Variants in UTRN observed in about 807,000 individuals in gnomAD.
UTRN encodes the protein dystrophin-related protein 1.
Under a neutral mutation model 463.9 loss-of-function variants are expected in UTRN, and 283 were observed. That is an observed-to-expected ratio of 0.61 (90% CI 0.55 to 0.67). The LOEUF is 0.67. Ranked by LOEUF, UTRN falls within the 30% of genes least tolerant of loss-of-function variation. UTRN has a pLI of 0.00. For synonymous variants in UTRN, 1,442 were observed against 1,431.5 expected, an observed-to-expected ratio of 1.01 and a Z score of -0.17; for missense variants, 3,922 against 4,084.3, an observed-to-expected ratio of 0.96 and a Z score of 1.08.
intron 45 of UTRN, among the ~76,000 whole-genome samples, chr6:144,539,799 T>C (rs12191812): frequency 0.069 from 10,531 of 152,142 alleles, 497 homozygotes; most frequent in South Asian, 0.11. Flanking sequence ...CCCAACACTT[T>C]GAGAGGCCGA....
In UTRN at chr6:144,733,507, CA is replaced by C. The variant is rs66466161; in HGVS notation, c.7939+3041del. Reference sequence around the variant, plus strand: ...CTGGTGACAGAGTGAAACTCCATCTCAAAAAAAAAAAAAAAAAAAACTTTGT... The same window carrying C: ...CTGGTGACAGAGTGAAACTCCATCTCAAAAAAAAAAAAAAAAAAACTTTGT... On this transcript the variant is annotated intron_variant, in intron 54 of 74. Coordinates refer to ENST00000367545, the MANE Select transcript of UTRN (RefSeq NM_007124.3). 6.7e-3 allele frequency among the ~76,000 whole-genome samples: 705 copies of C among 105,400 alleles called. 3 individuals carry two copies. Among genetic ancestry groups the C allele is most frequent in the African/African-American group, 0.013 (465 of 35,356 alleles). The allele number at this position is 105,400 out of a possible 152,430, so 69.1% of individuals were successfully genotyped here. A position where few individuals can be genotyped will look rare whatever the true frequency, so the allele number is the denominator to read the frequency against.
chr6:144,849,509 C>T (rs1347791374), intron 74 of UTRN, among the ~76,000 whole-genome samples: 1 of 152,122 alleles, frequency 6.6e-6, no homozygotes, highest in African/African-American at 2.4e-5. Context: ...AAATGGTTCC[C>T]AGTTGTACAG....
chr6:144,687,293 G>A (rs1283880575), intron 52 of UTRN, among the ~76,000 whole-genome samples: 1 of 151,966 alleles, frequency 6.6e-6, no homozygotes, highest in East Asian at 1.9e-4. Flanking sequence ...CATAGAATGA[G>A]TTAGGGAAGA....
Position 144,512,674 on chromosome 6 carries a change from G to A in UTRN, c.4945-1235G>A, listed in dbSNP as rs576871786. On this transcript the variant is annotated intron_variant, in intron 35 of 74. Transcript: ENST00000367545. ...TTCCACCTCAGCCTTGAGAGTAGCTGGGACTACAGGCATGCGCCACCACAC... is the reference window on the plus strand; with the variant it reads ...TTCCACCTCAGCCTTGAGAGTAGCTAGGACTACAGGCATGCGCCACCACAC... Among the ~76,000 whole-genome samples the A allele has an allele frequency of 3.2e-4, 48 of 151,812 alleles. No individual in the cohort carries two copies. The South Asian group carries it at 1.0e-2, about 32-fold the overall frequency.
chr6:144,606,606 C>T (rs1804874027), intron 51 of UTRN, among the ~76,000 whole-genome samples: 1 of 152,074 alleles, frequency 6.6e-6, no homozygotes, highest in Non-Finnish European at 1.5e-5. Context: ...GCAGTATTTC[C>T]AGTGGGTCAA....
chr6:144,440,338 A>T lies in UTRN; in HGVS notation c.1393-14A>T. On this transcript the variant is annotated splice_polypyrimidine_tract_variant and intron_variant, in intron 12 of 74. Transcript: ENST00000367545. ...AAAGTAGAAATAATGGTTTATCTTA[A>T]TTTTTTTCTCTAGAGTTTGCAAAGT... is the stretch of plus-strand genomic sequence containing the variant. 6.2e-7 allele frequency: 1 copy of T among 1,613,884 alleles called. No individual in the cohort carries two copies. Among genetic ancestry groups the T allele is most frequent in the Non-Finnish European group, 8.5e-7 (1 of 1,179,834 alleles).
At chr6:144,780,417 A>T (rs1586540017) in intron 60 of UTRN, among the ~76,000 whole-genome samples, 1 of 152,056 alleles carries the variant, frequency 6.6e-6, no homozygotes, top group East Asian at 1.9e-4. Context: ...TTCTAGTCTA[A>T]TTTTTTTATG....
intron 53 of UTRN, among the ~76,000 whole-genome samples, chr6:144,717,929 C>G (rs1421300385): frequency 6.6e-6 from 1 of 152,042 alleles, no homozygotes; most frequent in Non-Finnish European, 1.5e-5. Flanking sequence ...GCCACTGTGC[C>G]CAGCCTGAGC....
intron 24 of UTRN, among the ~76,000 whole-genome samples, 184 bp downstream of exon 24, chr6:144,474,017 A>G (rs1338803622): frequency 6.6e-6 from 1 of 151,950 alleles, no homozygotes; most frequent in Non-Finnish European, 1.5e-5. Flanking sequence ...TCAAGTTTTT[A>G]TTTCTGGACG....
rs1457927138 is a variant in UTRN at position 144,469,419 on chromosome 6, A to G, written c.3067-4301A>G. On this transcript the variant is annotated intron_variant, in intron 23 of 74. Transcript: ENST00000367545. ...TCTCTGTTTTTCAGAACAACCAGAC[A>G]AGATAGTTGTTATGATTCCAGTTTC... 9.9e-5 allele frequency among the ~76,000 whole-genome samples: 15 copies of G among 152,206 alleles called. No individual in the cohort carries two copies. In the East Asian group the frequency reaches 2.9e-3, roughly 29 times the overall value.
chr6:144,746,276 T>C (rs1223298191), intron 54 of UTRN, among the ~76,000 whole-genome samples: 3 of 151,956 alleles, frequency 2.0e-5, no homozygotes, highest in African/African-American at 7.3e-5. Context: ...GTGCAGGAAT[T>C]ACAGGCGTGA....
Position 144,748,313 on chromosome 6 carries a change from A to G in UTRN, c.8007A>G (p.Lys2669=). The stretch of plus-strand genomic sequence containing the variant: ...TGCGCAAACAGTCTTCTGAAGTCAA[A>G]GAAAAATGGGAAAGTCTAAATGCTG... ...KAMRKQSSEV[K]EKWESLNAVT... Residue 2669 remains lysine (K), a synonymous_variant, in exon 55 of 75, where the codon AAA becomes AAG. Coordinates refer to ENST00000367545, the MANE Select transcript of UTRN (RefSeq NM_007124.3). The G allele has an allele frequency of 6.2e-7, 1 of 1,613,536 alleles. No homozygotes were observed. Among genetic ancestry groups the G allele is most frequent in the Non-Finnish European group, 8.5e-7 (1 of 1,179,900 alleles).
chr6:144,347,227 C>T lies in UTRN; in HGVS notation c.79+55320C>T, dbSNP rs538014851. On this transcript the variant is annotated intron_variant, in intron 2 of 74. Coordinates refer to ENST00000367545, the MANE Select transcript of UTRN (RefSeq NM_007124.3). ...GGTTAAAAGATTCACTACTTGGGTCCCCCATTAGAATCACCAACATGCTTG... is the reference window on the plus strand; with the variant it reads ...GGTTAAAAGATTCACTACTTGGGTCTCCCATTAGAATCACCAACATGCTTG... Among the ~76,000 whole-genome samples, 3 of 152,314 alleles carry T rather than the reference C, an allele frequency of 2.0e-5. No individual in the cohort carries two copies. In the South Asian group the frequency reaches 6.2e-4, roughly 32 times the overall value.
At chr6:144,788,502 C>A (rs116084124) in intron 61 of UTRN, among the ~76,000 whole-genome samples, 1 of 151,142 alleles carries the variant, frequency 6.6e-6, no homozygotes, top group Non-Finnish European at 1.5e-5. Flanking sequence ...ATATAGTGTG[C>A]GTAGCTCTAG....
In UTRN at chr6:144,735,094, G is replaced by A. The variant is rs151038824; in HGVS notation, c.7939+4608G>A. Among the ~76,000 whole-genome samples, 301 of 152,296 alleles carry A rather than the reference G, an allele frequency of 2.0e-3. 2 individuals carry two copies. The highest frequency in any genetic ancestry group is 6.9e-3 in the African/African-American group (287 of 41,542). On this transcript the variant is annotated intron_variant, in intron 54 of 74. Coordinates refer to ENST00000367545, the MANE Select transcript of UTRN (RefSeq NM_007124.3). ...TCCAAGATGGATAAAGAAGTATAAC[G>A]CATGTTCCTGAGGTTTCAATTTAGT...
intron 12 of UTRN, among the ~76,000 whole-genome samples, chr6:144,439,971 A>G (rs1786987160): frequency 6.6e-6 from 1 of 152,208 alleles, no homozygotes; most frequent in Non-Finnish European, 1.5e-5. Context: ...CCTACACTAG[A>G]TAAAATGATC....
chr6:144,806,711 G>T (rs1400297165), intron 65 of UTRN, among the ~76,000 whole-genome samples: 1 of 140,366 alleles, frequency 7.1e-6, no homozygotes, highest in East Asian at 2.2e-4. Context: ...TGTAATCTTT[G>T]TGCAATAATT....
At chr6:144,366,643 C>G (rs1261447777) in intron 2 of UTRN, among the ~76,000 whole-genome samples, 1 of 152,182 alleles carries the variant, frequency 6.6e-6, no homozygotes, top group Non-Finnish European at 1.5e-5. Flanking sequence ...TTTATCCAGT[C>G]TACCATTGAT....
chr6:144,674,416 T>C (rs1483837798), intron 51 of UTRN, among the ~76,000 whole-genome samples: 1 of 151,958 alleles, frequency 6.6e-6, no homozygotes, highest in Non-Finnish European at 1.5e-5. Flanking sequence ...GTTTTTTTTT[T>C]CTACTTGCTC....
Sources: gnomAD v4.1 joint callset for allele counts (sites outside exome capture counted in the v4.1 genomes callset) on GRCh38, gnomAD v4.1.1 for gene constraint, MANE v1.5 for transcripts, NCBI Gene and HGNC (gene_info 2026-07-23, HGNC 2026-07-21) for gene names.